WAC: variants seen among roughly 807,000 people sequenced by gnomAD.
WAC encodes WW domain-containing adapter protein with coiled-coil.
Under a neutral mutation model 79.6 loss-of-function variants are expected in WAC, and 11 were observed. That is an observed-to-expected ratio of 0.14 (90% CI 0.09 to 0.23). The LOEUF (loss-of-function observed/expected upper bound fraction) is 0.23, where lower values mean the gene tolerates loss of function less well. Among genes scored for constraint, WAC ranks in the 10% least tolerant of loss-of-function variants. The pLI is 1.00. For missense variants in WAC, 728 were observed against 773.5 expected (o/e 0.94, Z 0.70); for synonymous variants, 304 against 276.9 (o/e 1.10, Z -0.97).
chr10:28,585,048 ACAGAGCAAGACTGTCT>A (rs1210052513), intron 4 of WAC, among the ~76,000 whole-genome samples: 9 of 152,174 alleles, frequency 5.9e-5, no homozygotes, highest in Non-Finnish European at 1.0e-4. Context: ...AGCCTGGGTG[ACAGAGCAAGACTGTCT>A]CAAAAAAGAA....
intron 12 of WAC, among the ~76,000 whole-genome samples, chr10:28,617,078 G>A (rs1196324625): frequency 6.6e-6 from 1 of 151,854 alleles, no homozygotes; most frequent in African/African-American, 2.4e-5. Flanking sequence ...GTGAGACTCT[G>A]TCTCAAAAAA....
At chr10:28,587,146 A>G (rs931759692) in intron 4 of WAC, among the ~76,000 whole-genome samples, 1 of 148,734 alleles carries the variant, frequency 6.7e-6, no homozygotes, top group African/African-American at 2.4e-5. Context: ...AATATCTACC[A>G]TATTAAAAAT....
chr10:28,537,792 TTTTTCTACCTGTATGAAC>T (rs1267598940), intron 3 of WAC: 5 of 152,206 alleles, frequency 3.3e-5, no homozygotes, highest in African/African-American at 7.2e-5. Flanking sequence ...GATTTTTTCA[TTTTTCTACCTGTATGAAC>T]TCCAGGTACT....
chr10:28,548,250 G>A (rs996528714), intron 3 of WAC, among the ~76,000 whole-genome samples: 9 of 151,968 alleles, frequency 5.9e-5, no homozygotes, highest in East Asian at 5.8e-4. Context: ...AAAGACCCTG[G>A]ACAATACCCT....
At chr10:28,594,621 A>G (rs1384463226) in intron 6 of WAC, among the ~76,000 whole-genome samples, 2 of 152,176 alleles carry the variant, frequency 1.3e-5, no homozygotes. Context: ...GTGGTTGTGT[A>G]CTGACAGCTT....
At chr10:28,610,221 G>A (rs1841166290) in intron 8 of WAC, among the ~76,000 whole-genome samples, 1 of 151,934 alleles carries the variant, frequency 6.6e-6, no homozygotes, top group Admixed American at 6.6e-5. Context: ...TACCATGTCC[G>A]GCCAATACTC....
In WAC at chr10:28,533,551, C is replaced by G. The variant is rs1208723656; in HGVS notation, c.-29C>G. 2 of 1,449,140 alleles carry G rather than the reference C, an allele frequency of 1.4e-6. No homozygotes were observed. The highest frequency in any genetic ancestry group is 2.6e-5 in the South Asian group (2 of 76,996). 89.8% of individuals were successfully genotyped at this position (1,449,140 alleles called of 1,614,324 possible). On this transcript the variant is annotated 5_prime_UTR_variant, in exon 1 of 14. Transcript: ENST00000354911. Reference sequence around the variant, plus strand: ...CCTTTCGCGGCCGCTCTCCCCCCTCCCCGACACACACTCACAGGCCGGGCA... The same window carrying G: ...CCTTTCGCGGCCGCTCTCCCCCCTCGCCGACACACACTCACAGGCCGGGCA...
chr10:28,541,436 T>TC (rs1837039926), intron 3 of WAC, among the ~76,000 whole-genome samples: 1 of 143,282 alleles, frequency 7.0e-6, no homozygotes, highest in Non-Finnish European at 1.5e-5. Flanking sequence ...TTTTTTTTTT[T>TC]TTTTTTTTTT....
chr10:28,551,715 T>C (rs1837678070), intron 3 of WAC, among the ~76,000 whole-genome samples: 1 of 151,932 alleles, frequency 6.6e-6, no homozygotes, highest in Non-Finnish European at 1.5e-5. Flanking sequence ...AAATTGTTTT[T>C]CAGAAACAGT....
At chr10:28,618,426 A>G (rs1399826031) in intron 13 of WAC, among the ~76,000 whole-genome samples, 6 of 152,348 alleles carry the variant, frequency 3.9e-5, no homozygotes, top group African/African-American at 9.6e-5. Flanking sequence ...TGGAGTTTAT[A>G]GTACAACTTG....
At chr10:28,569,006 G>C (rs1032075014) in intron 3 of WAC, among the ~76,000 whole-genome samples, 1 of 152,152 alleles carries the variant, frequency 6.6e-6, no homozygotes. Flanking sequence ...TTGTACATGT[G>C]GAGTTGCTGT....
chr10:28,535,838 T>C, intron 3 of WAC, 81 bp downstream of exon 3: 1 of 1,217,084 alleles, frequency 8.2e-7, no homozygotes, highest in Non-Finnish European at 1.1e-6. Context: ...TATTTCTAGC[T>C]TGAAGAAGTT....
intron 4 of WAC, among the ~76,000 whole-genome samples, chr10:28,583,874 A>T (rs1394807590): frequency 6.6e-6 from 1 of 152,138 alleles, no homozygotes; most frequent in East Asian, 1.9e-4. Flanking sequence ...CTTATAGGAT[A>T]CATTTATTAT....
chr10:28,606,002 A>G (rs556389787), intron 7 of WAC, among the ~76,000 whole-genome samples: 5 of 151,908 alleles, frequency 3.3e-5, no homozygotes, highest in South Asian at 2.1e-4. Flanking sequence ...TACTGCTAAT[A>G]TGCTCTATAA....
chr10:28,535,811 A>T, intron 3 of WAC, 54 bp downstream of exon 3: 1 of 1,439,914 alleles, frequency 6.9e-7, no homozygotes, highest in East Asian at 2.4e-5. Context: ...ATAGCTCTAT[A>T]TAAAAGGCGG....
Position 28,590,804 on chromosome 10 carries a change from A to T in WAC, c.582A>T (p.Ala194=). The T allele has an allele frequency of 3.7e-6, 6 of 1,611,796 alleles. No individual in the cohort carries two copies. Among genetic ancestry groups the T allele is most frequent in the Non-Finnish European group, 5.1e-6 (6 of 1,179,436 alleles). ...ATTACAGAAGAGAGGTGATGCAAGC[A>T]ACAGCCACTAGTGGGTTTGCCAGTG... ...DRDYRREVMQ[A]TATSGFASGM... Residue 194 remains alanine (A), a synonymous_variant, in exon 6 of 14, where the codon GCA becomes GCT. Transcript: ENST00000354911.
chr10:28,592,747 A>G (rs1379566520), intron 6 of WAC, among the ~76,000 whole-genome samples: 1 of 152,246 alleles, frequency 6.6e-6, no homozygotes, highest in Non-Finnish European at 1.5e-5. Flanking sequence ...TTTAAATTCC[A>G]TGACCCTGGA....
chr10:28,585,297 A>G (rs332150), intron 4 of WAC, among the ~76,000 whole-genome samples: 87,559 of 151,852 alleles, frequency 0.58, 25,805 homozygotes, highest in East Asian at 0.67. Context: ...AGCTAGTTCT[A>G]GTGGTGGGAT....
chr10:28,536,313 A>G lies in WAC; in HGVS notation c.274+556A>G, dbSNP rs78490314. On this transcript the variant is annotated intron_variant, in intron 3 of 13. Transcript: ENST00000354911. ...AATGCATTTATGAATATAGTTTAAA[A>G]CATGCTTTCTTAAGGATGGGAAAAA... Among the ~76,000 whole-genome samples the G allele has an allele frequency of 6.7e-3, 1,017 of 152,130 alleles. 11 individuals carry two copies. The highest frequency in any genetic ancestry group is 0.024 in the African/African-American group (983 of 41,514).
Sources: gnomAD v4.1 joint callset for allele counts (sites outside exome capture counted in the v4.1 genomes callset) on GRCh38, gnomAD v4.1.1 for gene constraint, MANE v1.5 for transcripts, NCBI Gene and HGNC (gene_info 2026-07-23, HGNC 2026-07-21) for gene names.